The following GLS variants were observed in gnomAD, a reference collection of about 807,000 sequenced individuals.
GLS encodes glutaminase.
A neutral mutation model predicts 86.7 loss-of-function variants in GLS; 36 were observed. The ratio of observed to expected loss-of-function variants is 0.42; its 90% CI spans 0.32 to 0.55. The LOEUF (loss-of-function observed/expected upper bound fraction) is 0.55, where lower values mean the gene tolerates loss of function less well. GLS is among the 20% of genes least tolerant of loss of function. The probability of loss-of-function intolerance (pLI) is 0.17; values close to 1 mark genes in which losing one functional copy is unlikely to be tolerated. For synonymous variants in GLS, 317 were observed against 305.9 expected (o/e 1.04, Z -0.38); for missense variants, 528 against 833.4 (o/e 0.63, Z 4.51).
At position 190,924,706 on chromosome 2, in the gene GLS, A is replaced by G; in HGVS notation, c.1248+113A>G. The G allele has an allele frequency of 7.4e-6, 5 of 671,460 alleles. No individual in the cohort carries two copies. The highest frequency in any genetic ancestry group is 1.4e-5 in the Non-Finnish European group (5 of 363,112). The allele number at this position is 671,460 out of a possible 1,614,324, so 41.6% of individuals were successfully genotyped here. On this transcript the variant is annotated intron_variant, in intron 11 of 17. Coordinates refer to ENST00000320717, the MANE Select transcript of GLS (RefSeq NM_014905.5). The surrounding 1 kb of genome is among the most constrained non-coding windows in gnomAD (Gnocchi z 5.2). ...CCAGGGCAGGTGGATCATGAGGTCAAGAGATAGAGGTCATCCTGGCCAACA... is the reference window on the plus strand; with the variant it reads ...CCAGGGCAGGTGGATCATGAGGTCAGGAGATAGAGGTCATCCTGGCCAACA...
intron 17 of GLS, among the ~76,000 whole-genome samples, chr2:190,961,019 T>C (rs1192454604): frequency 6.6e-6 from 1 of 152,244 alleles, no homozygotes; most frequent in Non-Finnish European, 1.5e-5. Flanking sequence ...GAAATATTAC[T>C]GTGCTTTGTA....
chr2:190,889,432 C>T (rs576393769), intron 1 of GLS, among the ~76,000 whole-genome samples: 64 of 152,178 alleles, frequency 4.2e-4, no homozygotes, highest in African/African-American at 1.4e-3. Flanking sequence ...CAGCCCATTC[C>T]GTTTTCATAG....
At chr2:190,917,853 T>C (rs991363899) in intron 7 of GLS, among the ~76,000 whole-genome samples, 4 of 151,384 alleles carry the variant, frequency 2.6e-5, no homozygotes, top group African/African-American at 7.3e-5. Context: ...CTTTGGGAGG[T>C]TGAGGTAAGA....
At position 190,913,185 on chromosome 2, in the gene GLS, C is replaced by G. The variant is rs1392746181; in HGVS notation, c.1038+2864C>G. 1 of 1,297,034 alleles carries G rather than the reference C, an allele frequency of 7.7e-7. No homozygotes were observed. Among genetic ancestry groups the G allele is most frequent in the Non-Finnish European group, 1.0e-6 (1 of 982,688 alleles). The allele number at this position is 1,297,034 out of a possible 1,614,324, so 80.3% of individuals were successfully genotyped here. A position where few individuals can be genotyped will look rare whatever the true frequency, so the allele number is the denominator to read the frequency against. ...TAATTTTGTAGTATTGATATTTTTT[C>G]CTTGTAGGATTGGTGGTGATCCTCA... On this transcript the variant is annotated intron_variant, in intron 7 of 17. Coordinates refer to ENST00000320717, the MANE Select transcript of GLS (RefSeq NM_014905.5). This position sits in a 1 kb window ranked among gnomAD's most constrained non-coding sequence, Gnocchi z 6.1.
At chr2:190,891,597 C>A (rs930976566) in intron 1 of GLS, among the ~76,000 whole-genome samples, 2 of 152,012 alleles carry the variant, frequency 1.3e-5, no homozygotes, top group African/African-American at 4.8e-5. Context: ...GCATACCAGA[C>A]TGAGGAGTAT....
Position 190,953,715 on chromosome 2 carries a change from CT to C in GLS, c.1712+93del. 1 of 884,388 alleles carries C rather than the reference CT, an allele frequency of 1.1e-6. No individual in the cohort carries two copies. The highest frequency in any genetic ancestry group is 1.8e-6 in the Non-Finnish European group (1 of 551,596). The allele number at this position is 884,388 out of a possible 1,614,324, so 54.8% of individuals were successfully genotyped here. On this transcript the variant is annotated intron_variant, in intron 15 of 17. Transcript: ENST00000320717. The surrounding 1 kb of genome is among the most constrained non-coding windows in gnomAD (Gnocchi z 4.0). ...CAGCCATTTTAAGGTTAAAGTCTCA[CT>C]TTTCTTTCCCTTTGATAAAAATGAC...
At chr2:190,884,568 T>C (rs1055068581) in intron 1 of GLS, among the ~76,000 whole-genome samples, 4 of 152,248 alleles carry the variant, frequency 2.6e-5, no homozygotes, top group Non-Finnish European at 4.4e-5. Flanking sequence ...CTGGTTATAC[T>C]TATTTCCATA....
chr2:190,901,229 T>G (rs912541349), intron 4 of GLS, among the ~76,000 whole-genome samples: 1 of 152,112 alleles, frequency 6.6e-6, no homozygotes, highest in Non-Finnish European at 1.5e-5. Flanking sequence ...ACTACTGTTA[T>G]AAGCGTTACC....
intron 14 of GLS, chr2:190,932,694 T>C (rs1159138113): frequency 1.3e-6 from 2 of 1,561,874 alleles, no homozygotes; most frequent in Non-Finnish European, 1.7e-6. Flanking sequence ...TAATAAATTA[T>C]GTATGTTGCT....
chr2:190,946,641 G>A (rs1041472333), intron 14 of GLS, among the ~76,000 whole-genome samples: 6 of 146,050 alleles, frequency 4.1e-5, no homozygotes, highest in Non-Finnish European at 7.7e-5. Flanking sequence ...TTGAAGTAAA[G>A]TGTAAAACCA....
At chr2:190,904,972 A>G (rs779821484) in intron 5 of GLS, 32 bp from the exon 6 acceptor site, 25 of 1,262,604 alleles carry the variant, frequency 2.0e-5, no homozygotes, top group African/African-American at 3.0e-5. Context: ...TTCCCAGTTG[A>G]TGTTATTTTT....
Position 190,905,101 on chromosome 2 carries a change from G to C in GLS, c.913G>C (p.Val305Leu). The part of the protein sequence containing the change: ...IAVNDLGTEY[V>L]HRYVGKEPSG... ...TGTTAATGATCTTGGAACTGAATATGTGCATCGATATGTTGGAAAAGAGCC... is the reference window on the plus strand; with the variant it reads ...TGTTAATGATCTTGGAACTGAATATCTGCATCGATATGTTGGAAAAGAGCC... Residue 305 changes from valine to leucine, a missense_variant, in exon 6 of 18, where the codon GTG becomes CTG. Coordinates refer to ENST00000320717, the MANE Select transcript of GLS (RefSeq NM_014905.5). This position sits in a 1 kb window ranked among gnomAD's most constrained non-coding sequence, Gnocchi z 4.6. 1 of 1,603,580 alleles carries C rather than the reference G, an allele frequency of 6.2e-7. No individual in the cohort carries two copies. Among genetic ancestry groups the C allele is most frequent in the South Asian group, 1.1e-5 (1 of 90,870 alleles).
rs775156867 is a variant in GLS at position 190,913,235 on chromosome 2, A to C, written c.1038+2914A>C. ...AGGAAATGGGGGAAGAGGCAGAGCA[A>C]ATGTTCAAAAGGATTAGCAGATTGT... On this transcript the variant is annotated intron_variant, in intron 7 of 17. Transcript: ENST00000320717. This position sits in a 1 kb window ranked among gnomAD's most constrained non-coding sequence, Gnocchi z 6.1. 1.2e-4 allele frequency: 159 copies of C among 1,303,382 alleles called. No homozygotes were observed. Among genetic ancestry groups the C allele is most frequent in the Middle Eastern group, 6.4e-4 (3 of 4,714 alleles). 80.7% of individuals were successfully genotyped at this position (1,303,382 alleles called of 1,614,324 possible).
chr2:190,937,224 G>A (rs1172967676), intron 14 of GLS, among the ~76,000 whole-genome samples: 1 of 151,226 alleles, frequency 6.6e-6, no homozygotes, highest in Admixed American at 6.6e-5. Flanking sequence ...TTGTAACAAA[G>A]TTAAAAACCT....
chr2:190,937,844 T>TG (rs1336082978), intron 14 of GLS, among the ~76,000 whole-genome samples: 7 of 149,708 alleles, frequency 4.7e-5, no homozygotes, highest in Non-Finnish European at 9.0e-5. Flanking sequence ...CTGTGGGTTT[T>TG]TTTTTTTTTT....
rs1429496729 is a variant in GLS at position 190,881,093 on chromosome 2, G to A, written c.9G>A (p.Arg3=). The A allele has an allele frequency of 1.9e-6, 3 of 1,560,730 alleles. No individual in the cohort carries two copies. ...CTGACGGACCCGGCGGCATGATGCGGCTGCGAGGCTCGGGGATGCTGCGGG... is the reference window on the plus strand; with the variant it reads ...CTGACGGACCCGGCGGCATGATGCGACTGCGAGGCTCGGGGATGCTGCGGG... MM[R]LRGSGMLRDL... is the part of the protein sequence containing the mutation. The change falls in exon 1 of 18, where the codon CGG becomes CGA. Residue 3 remains arginine (R), a synonymous_variant. Transcript: ENST00000320717.
chr2:190,927,159 T>TTC, intron 11 of GLS, 147 bp from the exon 12 acceptor site: 1 of 689,266 alleles, frequency 1.5e-6, no homozygotes, highest in Non-Finnish European at 2.3e-6. Flanking sequence ...AACTAAAATC[T>TTC]TCAGAATGTC....
At chr2:190,907,323 TCTCGGCTCACCGCAAC>T (rs1311112175) in intron 6 of GLS, among the ~76,000 whole-genome samples, 1 of 149,122 alleles carries the variant, frequency 6.7e-6, no homozygotes, top group Non-Finnish European at 1.5e-5. Flanking sequence ...CTCGGCGCAA[TCTCGGCTCACCGCAAC>T]CTCCGCCTCC....
intron 14 of GLS, chr2:190,934,063 C>T (rs1460168679): frequency 3.1e-6 from 3 of 972,816 alleles, no homozygotes; most frequent in South Asian, 9.5e-5. Flanking sequence ...CCTATTCACA[C>T]TTCTTCCTTC....
Sources: allele counts gnomAD v4.1 joint callset (sites outside exome capture counted in the v4.1 genomes callset), GRCh38; gene constraint gnomAD v4.1.1; non-coding constraint Gnocchi (gnomAD v3.1); transcripts MANE v1.5; gene names NCBI Gene and HGNC (gene_info 2026-07-23, HGNC 2026-07-21).